The following CNTRL variants were observed in gnomAD, a reference collection of about 807,000 sequenced individuals.
The protein encoded by CNTRL is centriolin, also known as 110 kDa centrosomal protein.
A neutral mutation model predicts 303.7 loss-of-function variants in CNTRL; 233 were observed. That is an observed-to-expected ratio of 0.77 (90% CI 0.69 to 0.86). The LOEUF (loss-of-function observed/expected upper bound fraction) is 0.86. Ranked by LOEUF, CNTRL falls within the 40% of genes least tolerant of loss-of-function variation. CNTRL has a pLI of 0.00. For synonymous variants in CNTRL, 900 were observed against 922.2 expected (o/e 0.98, Z 0.44); for missense variants, 2,524 against 2,650.6 (o/e 0.95, Z 1.05).
chr9:121,149,089 A>G (rs1011010375), intron 24 of CNTRL, among the ~76,000 whole-genome samples: 13 of 152,264 alleles, frequency 8.5e-5, no homozygotes, highest in Non-Finnish European at 4.4e-5. Flanking sequence ...AGTGAGACCT[A>G]GGTCCTCAAA....
chr9:121,157,934 G>T (rs1174854777), intron 29 of CNTRL, 49 bp from the exon 30 acceptor site: 1 of 1,613,744 alleles, frequency 6.2e-7, no homozygotes, highest in East Asian at 2.2e-5. Context: ...GACAGCTCTG[G>T]GGTTCCGAGT....
At chr9:121,096,713 G>C in intron 6 of CNTRL, 150 bp downstream of exon 6, 1 of 576,846 alleles carries the variant, frequency 1.7e-6, no homozygotes, top group Non-Finnish European at 2.6e-6. Flanking sequence ...TGATTTTCTA[G>C]ATTAATTAAA....
At chr9:121,087,196 T>C (rs937363409) in intron 2 of CNTRL, among the ~76,000 whole-genome samples, 1 of 152,070 alleles carries the variant, frequency 6.6e-6, no homozygotes, top group Non-Finnish European at 1.5e-5. Context: ...GAGGGAGGTG[T>C]CAGGAATGAC....
chr9:121,087,416 A>G (rs1450234322), intron 2 of CNTRL, among the ~76,000 whole-genome samples: 1 of 152,038 alleles, frequency 6.6e-6, no homozygotes, highest in Non-Finnish European at 1.5e-5. Context: ...GCTGGGCATG[A>G]TGGCTCACAC....
At chr9:121,092,503 A>AATATATATCTATATATG (rs2048640239) in intron 4 of CNTRL, among the ~76,000 whole-genome samples, 3 of 65,988 alleles carry the variant, frequency 4.5e-5, no homozygotes, top group African/African-American at 1.6e-4. Context: ...ATCTATATAT[A>AATATATATCTATATATG]TAATATATAT....
At chr9:121,094,323 AG>A (rs1270736133) in intron 4 of CNTRL, among the ~76,000 whole-genome samples, 1 of 152,090 alleles carries the variant, frequency 6.6e-6, no homozygotes. Context: ...ACATGGTAGA[AG>A]GCATCCCATA....
At chr9:121,114,858 A>T (rs1057180668) in intron 10 of CNTRL, among the ~76,000 whole-genome samples, 4 of 152,248 alleles carry the variant, frequency 2.6e-5, no homozygotes, top group African/African-American at 7.2e-5. Context: ...GAATTTTACA[A>T]ATAAAAGGAT....
chr9:121,110,007 AT>A (rs1354454826), intron 8 of CNTRL, among the ~76,000 whole-genome samples: 6 of 152,230 alleles, frequency 3.9e-5, no homozygotes, highest in Non-Finnish European at 5.9e-5. Context: ...CATTTTTATT[AT>A]CTTTTGCAGA....
chr9:121,144,702 G>C, intron 20 of CNTRL, 141 bp from the exon 21 acceptor site: 1 of 710,628 alleles, frequency 1.4e-6, no homozygotes, highest in Non-Finnish European at 2.5e-6. Flanking sequence ...CAACACAGGA[G>C]AAGGTGGGGC....
intron 21 of CNTRL, 108 bp from the exon 22 acceptor site, chr9:121,145,136 C>T: frequency 7.5e-7 from 1 of 1,340,482 alleles, no homozygotes; most frequent in Non-Finnish European, 1.0e-6. Context: ...AGTTTCCTCA[C>T]TGGGAAAGTG....
chr9:121,082,681 T>G (rs1256127571), intron 2 of CNTRL, among the ~76,000 whole-genome samples: 1 of 152,044 alleles, frequency 6.6e-6, no homozygotes, highest in African/African-American at 2.4e-5. Flanking sequence ...CATCTAAACA[T>G]AGAAAAGGGG....
chr9:121,133,058 T>C (rs2050961352), intron 14 of CNTRL, among the ~76,000 whole-genome samples: 2 of 152,196 alleles, frequency 1.3e-5, no homozygotes, highest in African/African-American at 4.8e-5. Context: ...AGTTGGCCCC[T>C]ACTGGGAGGT....
At chr9:121,103,717 CA>C (rs2049305106) in intron 7 of CNTRL, among the ~76,000 whole-genome samples, 2 of 152,160 alleles carry the variant, frequency 1.3e-5, no homozygotes, top group Admixed American at 1.3e-4. Flanking sequence ...GCAGCCCCAT[CA>C]AAAAGTGGGC....
At chr9:121,134,138 AC>A (rs1441645934) in intron 14 of CNTRL, among the ~76,000 whole-genome samples, 21 of 152,218 alleles carry the variant, frequency 1.4e-4, no homozygotes, top group African/African-American at 4.6e-4. Flanking sequence ...ATAGACACAT[AC>A]TTTTTTCCTT....
At chr9:121,098,913 C>T (rs910435324) in intron 7 of CNTRL, among the ~76,000 whole-genome samples, 1 of 151,900 alleles carries the variant, frequency 6.6e-6, no homozygotes, top group Non-Finnish European at 1.5e-5. Context: ...ACATTTAACC[C>T]GAAAGCAAAG....
At position 121,167,487 on chromosome 9, in the gene CNTRL, A is replaced by G. The variant is rs1387331355; in HGVS notation, c.5656-2A>G. The G allele has an allele frequency of 6.2e-7, 1 of 1,610,368 alleles. No homozygotes were observed. The highest frequency in any genetic ancestry group is 2.2e-5 in the East Asian group (1 of 44,810). ...AGTTTCCACTTGTTCTTTCACCTAA[A>G]GGACCTGCTTCACACCACCAAGCAT... is the stretch of plus-strand genomic sequence containing the variant. On this transcript the variant is annotated splice_acceptor_variant, in intron 36 of 43. Coordinates refer to ENST00000373855, the MANE Select transcript of CNTRL (RefSeq NM_007018.6). LOFTEE classifies it high-confidence loss of function.
chr9:121,145,254 A>C lies in CNTRL; in HGVS notation c.3179A>C (p.Glu1060Ala), dbSNP rs755673437. ...LRQKGEQFRL[E>A]MEKTGVGTGA... Reference sequence around the variant, plus strand: ...AATTTTTTTAAATAGTTTCGACTTGAGATGGAGAAAACAGGTGTAGGTACT... The same window carrying C: ...AATTTTTTTAAATAGTTTCGACTTGCGATGGAGAAAACAGGTGTAGGTACT... Residue 1060 changes from glutamate to alanine, a missense_variant, in exon 22 of 44, where the codon GAG (glutamate) becomes GCG (alanine). Transcript: ENST00000373855. The C allele has an allele frequency of 2.2e-5, 35 of 1,603,470 alleles. No homozygotes were observed. The highest frequency in any genetic ancestry group is 8.8e-5 in the Admixed American group (5 of 56,556).
chr9:121,158,025 T>G lies in CNTRL; in HGVS notation c.4680T>G (p.Asn1560Lys). ...AAGACATAGAGATGGCAGAACGCAATGAGGATCACCACCTGCAGGTCCTTA... is the reference window on the plus strand; with the variant it reads ...AAGACATAGAGATGGCAGAACGCAAGGAGGATCACCACCTGCAGGTCCTTA... ...LQKDIEMAER[N>K]EDHHLQVLKE... Residue 1560 changes from asparagine to lysine, a missense_variant, in exon 30 of 44, where the codon AAT becomes AAG. Physicochemically the swap from Asn to Lys is moderately conservative, Grantham distance 94. Coordinates refer to ENST00000373855, the MANE Select transcript of CNTRL (RefSeq NM_007018.6). The G allele has an allele frequency of 6.2e-7, 1 of 1,614,080 alleles. No individual in the cohort carries two copies. The highest frequency in any genetic ancestry group is 1.1e-5 in the South Asian group (1 of 91,072).
chr9:121,075,180 G>T, intron 1 of CNTRL, 113 bp downstream of exon 1: 1 of 339,480 alleles, frequency 2.9e-6, no homozygotes, highest in South Asian at 2.2e-5. Flanking sequence ...GCTTGGGATG[G>T]ATTCGGGGCG....
Sources: gnomAD v4.1 joint callset for allele counts (sites outside exome capture counted in the v4.1 genomes callset) on GRCh38, gnomAD v4.1.1 for gene constraint, MANE v1.5 for transcripts, NCBI Gene and HGNC (gene_info 2026-07-23, HGNC 2026-07-21) for gene names.